ARID1B: variants seen among roughly 807,000 people sequenced by gnomAD.
ARID1B encodes AT-rich interactive domain-containing protein 1B.
Under a neutral mutation model 212.3 loss-of-function variants are expected in ARID1B, and 30 were observed. The observed-to-expected ratio is 0.14, with a 90% CI of 0.11 to 0.19. The LOEUF (loss-of-function observed/expected upper bound fraction) is 0.19. Among genes scored for constraint, ARID1B ranks in the 10% least tolerant of loss-of-function variants. The probability of loss-of-function intolerance (pLI) is 1.00; values close to 1 mark genes in which losing one functional copy is unlikely to be tolerated. For synonymous variants in ARID1B, 1,402 were observed against 1,301.7 expected (o/e 1.08, Z -1.66); for missense variants, 2,891 against 3,204.0 (o/e 0.90, Z 2.36).
At chr6:156,812,976 G>GTGTGTGTGTA (rs554173642) in intron 1 of ARID1B, among the ~76,000 whole-genome samples, 33 of 104,348 alleles carry the variant, frequency 3.2e-4, no homozygotes, top group South Asian at 2.0e-3. Flanking sequence ...GTGTGTGTGT[G>GTGTGTGTGTA]TATGTATATA....
At chr6:156,935,757 C>A in intron 4 of ARID1B, 181 bp downstream of exon 4, 1 of 548,132 alleles carries the variant, frequency 1.8e-6, no homozygotes, top group South Asian at 2.1e-5. Flanking sequence ...CTGGATAAGT[C>A]TATTTCATGT....
intron 1 of ARID1B, among the ~76,000 whole-genome samples, chr6:156,813,686 C>T (rs776733569): frequency 1.3e-5 from 2 of 152,098 alleles, no homozygotes; most frequent in South Asian, 2.1e-4. Flanking sequence ...TTGAATTTGT[C>T]GAACCCTGTT....
chr6:157,031,225 C>G (rs193286025), intron 4 of ARID1B, among the ~76,000 whole-genome samples: 1 of 152,292 alleles, frequency 6.6e-6, no homozygotes, highest in East Asian at 1.9e-4. Context: ...AATCCTGGAA[C>G]ATGGTTTTGG....
chr6:157,056,062 C>T (rs959339836), intron 4 of ARID1B, among the ~76,000 whole-genome samples: 1 of 152,146 alleles, frequency 6.6e-6, no homozygotes, highest in Non-Finnish European at 1.5e-5. Context: ...GATTAGGGAC[C>T]TTAATTACAT....
At chr6:157,188,619 C>A (rs568456379) in intron 13 of ARID1B, among the ~76,000 whole-genome samples, 2 of 152,082 alleles carry the variant, frequency 1.3e-5, no homozygotes, top group East Asian at 1.9e-4. Flanking sequence ...GCCATTTGTT[C>A]GGGGGGTTCT....
At chr6:157,093,532 C>T (rs1159686812) in intron 5 of ARID1B, among the ~76,000 whole-genome samples, 3 of 152,158 alleles carry the variant, frequency 2.0e-5, no homozygotes, top group Non-Finnish European at 4.4e-5. Context: ...ATGAGACAAA[C>T]GGAATGCCTT....
intron 4 of ARID1B, among the ~76,000 whole-genome samples, chr6:157,014,972 A>T (rs1237995588): frequency 6.6e-6 from 1 of 152,196 alleles, no homozygotes; most frequent in Non-Finnish European, 1.5e-5. Flanking sequence ...TAATCAGATT[A>T]TTATAACTCA....
At chr6:157,103,487 T>C (rs956843917) in intron 5 of ARID1B, among the ~76,000 whole-genome samples, 2 of 152,238 alleles carry the variant, frequency 1.3e-5, no homozygotes, top group African/African-American at 4.8e-5. Flanking sequence ...TCTTGTTCTA[T>C]GAAGTATGCT....
At chr6:157,056,962 G>A (rs967567287) in intron 4 of ARID1B, among the ~76,000 whole-genome samples, 14 of 150,808 alleles carry the variant, frequency 9.3e-5, no homozygotes, top group African/African-American at 2.7e-4. Flanking sequence ...GTAAGCATGC[G>A]TCATGGGAGT....
At chr6:157,086,346 G>C (rs1053980838) in intron 5 of ARID1B, among the ~76,000 whole-genome samples, 1 of 152,118 alleles carries the variant, frequency 6.6e-6, no homozygotes, top group Non-Finnish European at 1.5e-5. Flanking sequence ...GTAATAACCT[G>C]GACTTATCTG....
intron 6 of ARID1B, among the ~76,000 whole-genome samples, chr6:157,112,656 A>G (rs1787008502): frequency 6.6e-6 from 1 of 152,190 alleles, no homozygotes; most frequent in African/African-American, 2.4e-5. Flanking sequence ...GCCCTTTCCA[A>G]CAGATACGTG....
intron 4 of ARID1B, among the ~76,000 whole-genome samples, chr6:157,045,002 G>T (rs1782136025): frequency 6.6e-6 from 1 of 152,060 alleles, no homozygotes; most frequent in African/African-American, 2.4e-5. Flanking sequence ...ATAACAATTA[G>T]AACAGCCATT....
intron 2 of ARID1B, among the ~76,000 whole-genome samples, chr6:156,850,413 G>A (rs1583158941): frequency 6.6e-6 from 1 of 152,114 alleles, no homozygotes; most frequent in African/African-American, 2.4e-5. Flanking sequence ...CTAAAATTAA[G>A]CGGCTTTTTT....
At chr6:157,118,075 A>G (rs1206835790) in intron 6 of ARID1B, among the ~76,000 whole-genome samples, 1 of 152,216 alleles carries the variant, frequency 6.6e-6, no homozygotes, top group Non-Finnish European at 1.5e-5. Context: ...AGCTAGTTTT[A>G]TGGTGATATT....
chr6:157,037,007 A>G lies in ARID1B; in HGVS notation c.2248-47655A>G, dbSNP rs937735937. 8 of 366,552 alleles carry G rather than the reference A, an allele frequency of 2.2e-5. No individual in the cohort carries two copies. The Admixed American group carries it at 2.3e-4, about 10-fold the overall frequency. The allele number at this position is 366,552 out of a possible 1,614,324, so 22.7% of individuals were successfully genotyped here. On this transcript the variant is annotated intron_variant, in intron 4 of 19. Transcript: ENST00000636930. ...ACACTGAGGTTTAAAAATCTTCACA[A>G]GTTTAAGATTTCTCTTATTGTGATT... is the stretch of plus-strand genomic sequence containing the variant.
chr6:157,140,641 G>A (rs926025127), intron 7 of ARID1B: 5 of 398,426 alleles, frequency 1.3e-5, no homozygotes, highest in African/African-American at 1.0e-4. Context: ...GGAGTAACAC[G>A]TAGCTTTCCA....
chr6:156,954,906 G>A (rs559349816), intron 4 of ARID1B, among the ~76,000 whole-genome samples: 3 of 152,304 alleles, frequency 2.0e-5, no homozygotes, highest in African/African-American at 4.8e-5. Context: ...CTCTAAATGT[G>A]ATATCCACAA....
At chr6:156,889,020 A>G (rs1019946914) in intron 2 of ARID1B, among the ~76,000 whole-genome samples, 1 of 151,236 alleles carries the variant, frequency 6.6e-6, no homozygotes, top group Non-Finnish European at 1.5e-5. Flanking sequence ...CCTGTTTTAT[A>G]TTATTATATC....
chr6:156,981,999 T>C (rs1777635175), intron 4 of ARID1B, among the ~76,000 whole-genome samples: 1 of 152,026 alleles, frequency 6.6e-6, no homozygotes, highest in Non-Finnish European at 1.5e-5. Context: ...AGGAGATAGA[T>C]GTGTACAGCC....
Sources: gnomAD v4.1 joint callset for allele counts (sites outside exome capture counted in the v4.1 genomes callset) on GRCh38, gnomAD v4.1.1 for gene constraint, MANE v1.5 for transcripts, NCBI Gene and HGNC (gene_info 2026-07-23, HGNC 2026-07-21) for gene names.